SFMBT1: variants seen among roughly 807,000 people sequenced by gnomAD.
SFMBT1 encodes scm-like with four MBT domains protein 1.
In SFMBT1, 32 loss-of-function variants were observed where a neutral mutation model predicts 108.7. The observed-to-expected ratio is 0.29, with a 90% CI of 0.22 to 0.40. The LOEUF (loss-of-function observed/expected upper bound fraction) is 0.40, where lower values mean the gene tolerates loss of function less well. Among genes scored for constraint, SFMBT1 ranks in the 10% least tolerant of loss-of-function variants. SFMBT1 has a pLI of 1.00. For missense variants in SFMBT1, 816 were observed against 1,059.6 expected, an observed-to-expected ratio of 0.77 and a Z score of 3.19; for synonymous variants, 348 against 369.5, an observed-to-expected ratio of 0.94 and a Z score of 0.67.
In SFMBT1 at chr3:52,920,607, G is replaced by A; in HGVS notation, c.1302C>T (p.Ser434=). The change falls in exon 12 of 21, where the codon TCC becomes TCT. Residue 434 remains serine (S), a synonymous_variant. Coordinates refer to ENST00000394752, the MANE Select transcript of SFMBT1 (RefSeq NM_016329.4). ...ACCAGCCCAAAGGAAATATATCCAT[G>A]GATTCCACACTCACAATACATTCAG... ...PIPECIVSVE[S]MDIFPLGWCE... 1 of 1,613,918 alleles carries A rather than the reference G, an allele frequency of 6.2e-7. No individual in the cohort carries two copies. Among genetic ancestry groups the A allele is most frequent in the African/African-American group, 1.3e-5 (1 of 74,988 alleles).
chr3:52,913,381 G>A lies in SFMBT1; in HGVS notation c.1620+97C>T, dbSNP rs1428198137. 5 of 1,433,296 alleles carry A rather than the reference G, an allele frequency of 3.5e-6. No homozygotes were observed. In the Admixed American group the frequency reaches 7.2e-5, roughly 21 times the overall value. 88.8% of individuals were successfully genotyped at this position (1,433,296 alleles called of 1,614,324 possible). On this transcript the variant is annotated intron_variant, in intron 15 of 20. Coordinates refer to ENST00000394752, the MANE Select transcript of SFMBT1 (RefSeq NM_016329.4). ...AGTTAGTAACTTTTGATAAAACCTA[G>A]AACTGTCACATCTATGGCATGTGGC...
intron 1 of SFMBT1, among the ~76,000 whole-genome samples, chr3:52,969,705 T>C (rs965336991): frequency 6.6e-6 from 1 of 152,220 alleles, no homozygotes; most frequent in Non-Finnish European, 1.5e-5. Context: ...ATCTCATCTA[T>C]CTAGAATATT....
chr3:52,931,977 T>G, intron 6 of SFMBT1, 85 bp downstream of exon 6: 1 of 1,433,212 alleles, frequency 7.0e-7, no homozygotes, highest in Admixed American at 2.2e-5. Flanking sequence ...TTTCATAATA[T>G]GCAGAATATA....
At chr3:53,039,334 A>G (rs1356941851) in intron 1 of SFMBT1, among the ~76,000 whole-genome samples, 3 of 151,634 alleles carry the variant, frequency 2.0e-5, no homozygotes, top group Admixed American at 1.3e-4. Flanking sequence ...CCTTAAAGAC[A>G]TTATGTTAAG....
chr3:52,984,873 G>C (rs781020258), intron 1 of SFMBT1, among the ~76,000 whole-genome samples: 1 of 151,854 alleles, frequency 6.6e-6, no homozygotes, highest in Non-Finnish European at 1.5e-5. Context: ...CCACTTCGCA[G>C]CCCGGCTTCC....
At chr3:52,989,542 T>G (rs1267226762) in intron 1 of SFMBT1, among the ~76,000 whole-genome samples, 1 of 152,006 alleles carries the variant, frequency 6.6e-6, no homozygotes, top group African/African-American at 2.4e-5. Context: ...GGCTCACACC[T>G]GTAATACCAA....
chr3:52,983,159 A>C (rs1483111392), intron 1 of SFMBT1, among the ~76,000 whole-genome samples: 2 of 152,060 alleles, frequency 1.3e-5, no homozygotes, highest in Non-Finnish European at 1.5e-5. Flanking sequence ...TAAGACAGCA[A>C]CACCAACCTC....
In SFMBT1 at chr3:53,014,796, GAC is replaced by G. The variant is rs1275376607; in HGVS notation, c.-131+31018_-131+31019del. ...GTGATGGAGTGAGTGAATGAATAAA[GAC>G]ACAGCCAGCATAAATGTTAATACAG... On this transcript the variant is annotated intron_variant, in intron 1 of 20. Coordinates refer to ENST00000394752, the MANE Select transcript of SFMBT1 (RefSeq NM_016329.4). 2.0e-5 allele frequency among the ~76,000 whole-genome samples: 3 copies of G among 152,304 alleles called. No individual in the cohort carries two copies. The East Asian group carries it at 5.8e-4, about 29-fold the overall frequency.
chr3:52,969,370 G>T, intron 1 of SFMBT1, 112 bp from the exon 2 acceptor site: 1 of 1,105,842 alleles, frequency 9.0e-7, no homozygotes, highest in Non-Finnish European at 1.2e-6. Context: ...AAACATACTG[G>T]CAGAATAGAT....
chr3:53,025,857 T>G (rs1051685716), intron 1 of SFMBT1, among the ~76,000 whole-genome samples: 1 of 152,182 alleles, frequency 6.6e-6, no homozygotes, highest in African/African-American at 2.4e-5. Context: ...TGGTGTCTGA[T>G]CTACACGGAA....
chr3:53,036,484 C>T (rs952627439), intron 1 of SFMBT1, among the ~76,000 whole-genome samples: 3 of 152,244 alleles, frequency 2.0e-5, no homozygotes, highest in Non-Finnish European at 4.4e-5. Flanking sequence ...CAAACACCAT[C>T]GCTGAGGAGC....
intron 1 of SFMBT1, among the ~76,000 whole-genome samples, chr3:52,975,086 C>T (rs913294272): frequency 6.6e-5 from 10 of 150,710 alleles, no homozygotes; most frequent in African/African-American, 2.4e-4. Flanking sequence ...GTTGAATAAA[C>T]TGGTACTAAT....
At chr3:52,945,165 G>GA (rs1356932775) in intron 3 of SFMBT1, among the ~76,000 whole-genome samples, 1 of 55,054 alleles carries the variant, frequency 1.8e-5, no homozygotes, top group Admixed American at 1.7e-4. Context: ...GGACTTCAGG[G>GA]AAAAAAGCTT....
intron 1 of SFMBT1, among the ~76,000 whole-genome samples, chr3:53,010,363 C>T (rs985067826): frequency 5.9e-5 from 9 of 152,172 alleles, no homozygotes; most frequent in African/African-American, 1.9e-4. Context: ...GAGACAAAGG[C>T]ATCAAGAGAG....
Position 52,965,837 on chromosome 3 carries a change from T to G in SFMBT1, c.28+3264A>C, listed in dbSNP as rs538118914. 4.0e-5 allele frequency among the ~76,000 whole-genome samples: 6 copies of G among 149,626 alleles called. No individual in the cohort carries two copies. In the East Asian group the frequency reaches 1.2e-3, roughly 29 times the overall value. ...CTGGCTAACACGGTGAAACCCCGTCTCTACCAAAAATACAAAAAATTAGCC... is the reference window on the plus strand; with the variant it reads ...CTGGCTAACACGGTGAAACCCCGTCGCTACCAAAAATACAAAAAATTAGCC... On this transcript the variant is annotated intron_variant, in intron 2 of 20. Coordinates refer to ENST00000394752, the MANE Select transcript of SFMBT1 (RefSeq NM_016329.4).
chr3:53,001,638 C>T (rs1020024085), intron 1 of SFMBT1, among the ~76,000 whole-genome samples: 3 of 148,582 alleles, frequency 2.0e-5, no homozygotes, highest in African/African-American at 7.3e-5. Context: ...GCACAGTGGC[C>T]GCGCCTGTAA....
In SFMBT1 at chr3:52,906,247, T is replaced by C; in HGVS notation, c.2332-6A>G. On this transcript the variant is annotated splice_polypyrimidine_tract_variant and splice_region_variant and intron_variant, in intron 19 of 20. Transcript: ENST00000394752. ...GCAACTTCGATCCTTATTTCCTTCA[T>C]TCCCCACAACACAATCAAACCAAAT... 1.2e-6 allele frequency: 2 copies of C among 1,614,042 alleles called. No individual in the cohort carries two copies. The highest frequency in any genetic ancestry group is 2.2e-5 in the East Asian group (1 of 44,874).
intron 1 of SFMBT1, among the ~76,000 whole-genome samples, chr3:53,031,246 A>C (rs577599110): frequency 1.3e-5 from 2 of 152,196 alleles, no homozygotes; most frequent in Non-Finnish European, 2.9e-5. Context: ...GCGAATAACA[A>C]CAGGCTCTCT....
chr3:52,905,739 A>G (rs1032264978), intron 20 of SFMBT1, among the ~76,000 whole-genome samples: 2 of 152,226 alleles, frequency 1.3e-5, no homozygotes, highest in Non-Finnish European at 2.9e-5. Context: ...AAGGCCACTG[A>G]CTGTGTTTCA....
Sources: allele counts gnomAD v4.1 joint callset (sites outside exome capture counted in the v4.1 genomes callset), GRCh38; gene constraint gnomAD v4.1.1; transcripts MANE v1.5; gene names NCBI Gene and HGNC (gene_info 2026-07-23, HGNC 2026-07-21).